Variants in CCAR2 observed in about 807,000 individuals in gnomAD.
The protein encoded by CCAR2 is cell cycle and apoptosis regulator 2, also known as cell cycle and apoptosis regulator protein 2.
CCAR2 carries 21 observed loss-of-function variants against 108.1 expected under a neutral mutation model. The ratio of observed to expected loss-of-function variants is 0.19; its 90% CI spans 0.14 to 0.28. The LOEUF is 0.28. Among genes scored for constraint, CCAR2 ranks in the 10% least tolerant of loss-of-function variants. The pLI is 1.00. For missense variants in CCAR2, 1,126 were observed against 1,177.0 expected (o/e 0.96, Z 0.63); for synonymous variants, 577 against 472.8 (o/e 1.22, Z -2.86).
rs200110384 is a variant in CCAR2, at chr8:22,619,639, C to T, written c.2729C>T (p.Ala910Val). 7 of 1,572,180 alleles carry T rather than the reference C, an allele frequency of 4.5e-6. No individual in the cohort carries two copies. The highest frequency in any genetic ancestry group is 4.3e-6 in the Non-Finnish European group (5 of 1,158,216). Residue 910 changes from alanine (A) to valine (V), a missense_variant and splice_region_variant, in exon 21 of 21, where the codon GCT (alanine) becomes GTT (valine). By Grantham distance (64) the Ala-to-Val change is moderately conservative. This residue lies in a region of CCAR2 where 1,013 missense variants were observed against 993.9 expected (regional missense o/e 1.02). Transcript: ENST00000308511. ...QLEIQRVVEK[A>V]DSWVEKEEPA... Reference sequence around the variant, plus strand: ...GGGTACATCATCTGTTTCAAACAGGCTGACAGCTGGGTGGAGAAGGAGGAG... The same window carrying T: ...GGGTACATCATCTGTTTCAAACAGGTTGACAGCTGGGTGGAGAAGGAGGAG...
In CCAR2 at chr8:22,614,868, G is replaced by A. The variant is rs148954111; in HGVS notation, c.1072G>A (p.Val358Met). 5.0e-6 allele frequency: 8 copies of A among 1,613,960 alleles called. No individual in the cohort carries two copies. In the South Asian group the frequency reaches 6.6e-5, roughly 13 times the overall value. The part of the protein sequence containing the change: ...FLLGRKEEEA[V>M]LVGGEWSPSL... ...GCTGGGCAGGAAAGAAGAGGAGGCA[G>A]TGCTGGTTGGGGGTGAATGGTCTCC... Residue 358 changes from valine (V) to methionine (M), a missense_variant, in exon 11 of 21, where the codon GTG becomes ATG. Around this residue, in one of 4 missense-constraint regions of CCAR2, gnomAD observed 1,013 missense variants for 993.9 expected, o/e 1.02. Coordinates refer to ENST00000308511, the MANE Select transcript of CCAR2 (RefSeq NM_001393997.1).
intron 16 of CCAR2, 191 bp from the exon 17 acceptor site, chr8:22,618,158 A>G: frequency 5.9e-6 from 4 of 680,230 alleles, no homozygotes; most frequent in South Asian, 5.3e-5. Context: ...AGGCATGAAT[A>G]TAGTGCACTG....
At chr8:22,610,665 A>T (rs957543979) in intron 7 of CCAR2, among the ~76,000 whole-genome samples, 4 of 152,354 alleles carry the variant, frequency 2.6e-5, no homozygotes, top group African/African-American at 9.6e-5. Flanking sequence ...GCTCATGCAC[A>T]TGGAAGTGAC....
downstream of CCAR2, chr8:22,621,351 G>C (rs1323977512): frequency 6.5e-7 from 1 of 1,527,972 alleles, no homozygotes; most frequent in Non-Finnish European, 8.8e-7. Context: ...GAGAGGAGCA[G>C]CTAGCCCTGA....
chr8:22,615,770 C>T lies in CCAR2; in HGVS notation c.1466C>T (p.Thr489Ile). ...RRNAETPEAT[T>I]QQETDTDLPE... ...AACGCAGAAACTCCAGAGGCCACCA[C>T]ACAGCAGGAAACGGACACTGATCTC... Residue 489 changes from threonine to isoleucine, a missense_variant, in exon 13 of 21, where the codon ACA (threonine) becomes ATA (isoleucine). By Grantham distance (89) the Thr-to-Ile change is moderately conservative. Coordinates refer to ENST00000308511, the MANE Select transcript of CCAR2 (RefSeq NM_001393997.1). 1 of 1,613,948 alleles carries T rather than the reference C, an allele frequency of 6.2e-7. No individual in the cohort carries two copies. The highest frequency in any genetic ancestry group is 8.5e-7 in the Non-Finnish European group (1 of 1,180,018).
intron 7 of CCAR2, among the ~76,000 whole-genome samples, chr8:22,612,013 C>T (rs1254116765): frequency 2.0e-5 from 3 of 150,704 alleles, no homozygotes; most frequent in African/African-American, 4.9e-5. Flanking sequence ...GGCGCGATCT[C>T]GGCTCACTGC....
Position 22,614,866 on chromosome 8 carries a change from C to G in CCAR2, c.1070C>G (p.Ala357Gly). 1 of 1,614,074 alleles carries G rather than the reference C, an allele frequency of 6.2e-7. No individual in the cohort carries two copies. ...KFLLGRKEEEAVLVGGEWSPS... is the reference protein window; with the variant it reads ...KFLLGRKEEEGVLVGGEWSPS... ...TTGCTGGGCAGGAAAGAAGAGGAGGCAGTGCTGGTTGGGGGTGAATGGTCT... is the reference window on the plus strand; with the variant it reads ...TTGCTGGGCAGGAAAGAAGAGGAGGGAGTGCTGGTTGGGGGTGAATGGTCT... Residue 357 changes from alanine (A) to glycine (G), a missense_variant, in exon 11 of 21, where the codon GCA becomes GGA. By Grantham distance (60) the Ala-to-Gly change is moderately conservative (BLOSUM62 0). This residue lies in a region of CCAR2 where 1,013 missense variants were observed against 993.9 expected (regional missense o/e 1.02). Transcript: ENST00000308511.
At chr8:22,612,414 C>T (rs1296173105) in intron 7 of CCAR2, among the ~76,000 whole-genome samples, 3 of 152,008 alleles carry the variant, frequency 2.0e-5, no homozygotes, top group East Asian at 1.9e-4. Flanking sequence ...ACTGCAGGCA[C>T]GCACCACCAG....
In CCAR2 at chr8:22,615,759, A is replaced by G. The variant is rs1399887936; in HGVS notation, c.1455A>G (p.Pro485=). Residue 485 remains proline, a synonymous_variant, in exon 13 of 21, where the codon CCA becomes CCG. Coordinates refer to ENST00000308511, the MANE Select transcript of CCAR2 (RefSeq NM_001393997.1). ...ADTSRRNAET[P]EATTQQETDT... ...CTTCTAGACGGAACGCAGAAACTCC[A>G]GAGGCCACCACACAGCAGGAAACGG... is the stretch of plus-strand genomic sequence containing the variant. 3 of 1,613,926 alleles carry G rather than the reference A, an allele frequency of 1.9e-6. No homozygotes were observed. The highest frequency in any genetic ancestry group is 1.3e-5 in the African/African-American group (1 of 75,036).
Position 22,617,312 on chromosome 8 carries a change from CCATA to C in CCAR2, c.1846-105_1846-102del. Reference sequence around the variant, plus strand: ...AATGAGACGGTATCTGTAGAGCCCTCCATACAGTGCCTGGGGCATAGTTGATACT... The same window carrying C: ...AATGAGACGGTATCTGTAGAGCCCTCCAGTGCCTGGGGCATAGTTGATACT... On this transcript the variant is annotated intron_variant, in intron 14 of 20. Transcript: ENST00000308511. The C allele has an allele frequency of 4.6e-6, 6 of 1,301,748 alleles. No individual in the cohort carries two copies. In the Middle Eastern group the frequency reaches 7.9e-4, roughly 172 times the overall value. The allele number at this position is 1,301,748 out of a possible 1,614,324, so 80.6% of individuals were successfully genotyped here.
rs765933621 is a variant in CCAR2 at position 22,607,986 on chromosome 8, A to T, written c.505A>T (p.Thr169Ser). ...TTCTGCAGCTCTGAGTCTCTTCCAA[A>T]CATCCCACACACTTCACCTGAGCCA... is the stretch of plus-strand genomic sequence containing the variant. ...FPQKPLSLFQTSHTLHLSHLN... is the reference protein window; with the variant it reads ...FPQKPLSLFQSSHTLHLSHLN... The change falls in exon 7 of 21, where the codon ACA (threonine) becomes TCA (serine). Residue 169 changes from threonine to serine, a missense_variant. By Grantham distance (58) the Thr-to-Ser change is moderately conservative. Around this residue, in one of 4 missense-constraint regions of CCAR2, gnomAD observed 1,013 missense variants for 993.9 expected, o/e 1.02. Transcript: ENST00000308511. The T allele has an allele frequency of 6.2e-7, 1 of 1,613,844 alleles. No homozygotes were observed. Among genetic ancestry groups the T allele is most frequent in the South Asian group, 1.1e-5 (1 of 91,066 alleles).
In CCAR2 at chr8:22,619,221, C is replaced by CGAG. The variant is rs753820749; in HGVS notation, c.2594_2596dup (p.Arg865_Val866insGly). Reference sequence around the variant, plus strand: ...GCTGGCGGCAGAGATGCAGGAGCTGCGAGTCCGGCTGGCGGAGGCCGAGGA... The same window carrying CGAG: ...GCTGGCGGCAGAGATGCAGGAGCTGCGAGGAGTCCGGCTGGCGGAGGCCGAGGA... On this transcript the variant is annotated inframe_insertion, in exon 20 of 21. Coordinates refer to ENST00000308511, the MANE Select transcript of CCAR2 (RefSeq NM_001393997.1). The CGAG allele has an allele frequency of 6.3e-7, 1 of 1,579,142 alleles. No homozygotes were observed. The highest frequency in any genetic ancestry group is 1.3e-5 in the African/African-American group (1 of 74,614).
intron 12 of CCAR2, 31 bp downstream of exon 12, chr8:22,615,627 A>T (rs200098297): frequency 1.9e-6 from 3 of 1,613,524 alleles, no homozygotes; most frequent in African/African-American, 2.7e-5. Flanking sequence ...GCAGCGGGGG[A>T]TATAGGTGGC....
Position 22,618,655 on chromosome 8 carries a change from C to T in CCAR2, c.2259C>T (p.Ile753=), listed in dbSNP as rs1193273390. Reference sequence around the variant, plus strand: ...TCAGCAGGGTGGTGACCCAGAACATCTGCCAGTACCGGAGCCTTCAGTACA... The same window carrying T: ...TCAGCAGGGTGGTGACCCAGAACATTTGCCAGTACCGGAGCCTTCAGTACA... ...QLVSRVVTQN[I]CQYRSLQYSR... The change falls in exon 18 of 21, where the codon ATC becomes ATT. Residue 753 remains isoleucine, a synonymous_variant. Coordinates refer to ENST00000308511, the MANE Select transcript of CCAR2 (RefSeq NM_001393997.1). 6.2e-7 allele frequency: 1 copy of T among 1,614,120 alleles called. No individual in the cohort carries two copies. Among genetic ancestry groups the T allele is most frequent in the East Asian group, 2.2e-5 (1 of 44,876 alleles).
chr8:22,613,476 A>G (rs534204187), intron 8 of CCAR2, among the ~76,000 whole-genome samples: 3 of 150,612 alleles, frequency 2.0e-5, no homozygotes, highest in Non-Finnish European at 2.9e-5. Context: ...ACATCCTTCT[A>G]CCTACACCTG....
In CCAR2 at chr8:22,618,451, G is replaced by C. The variant is rs751521846; in HGVS notation, c.2176G>C (p.Glu726Gln). ...TGGCTACTTGCACCGGCGAGACTTA[G>C]AGAGGATCCTCCTTACCCTTGGGAT... Reference protein sequence around the residue: ...WCGYLHRRDLERILLTLGIRL... With the variant: ...WCGYLHRRDLQRILLTLGIRL... Residue 726 changes from glutamate to glutamine, a missense_variant, in exon 17 of 21, where the codon GAG (glutamate) becomes CAG (glutamine). Coordinates refer to ENST00000308511, the MANE Select transcript of CCAR2 (RefSeq NM_001393997.1). 11 of 1,614,088 alleles carry C rather than the reference G, an allele frequency of 6.8e-6. No homozygotes were observed. The highest frequency in any genetic ancestry group is 5.0e-5 in the Admixed American group (3 of 60,008).
rs1801621531 is a variant in CCAR2 at position 22,618,669 on chromosome 8, G to A, written c.2273G>A (p.Ser758Asn). 1 of 1,614,122 alleles carries A rather than the reference G, an allele frequency of 6.2e-7. No individual in the cohort carries two copies. Among genetic ancestry groups the A allele is most frequent in the Non-Finnish European group, 8.5e-7 (1 of 1,180,034 alleles). Residue 758 changes from serine to asparagine, a missense_variant, in exon 18 of 21, where the codon AGC becomes AAC. Physicochemically the swap from Ser to Asn is conservative, Grantham distance 46. Transcript: ENST00000308511. The stretch of plus-strand genomic sequence containing the variant: ...ACCCAGAACATCTGCCAGTACCGGA[G>A]CCTTCAGTACAGCCGCCAGGAGGGC... ...VVTQNICQYRSLQYSRQEGLD... is the reference protein window; with the variant it reads ...VVTQNICQYRNLQYSRQEGLD...
At chr8:22,612,006 G>A (rs1280698314) in intron 7 of CCAR2, among the ~76,000 whole-genome samples, 8 of 151,280 alleles carry the variant, frequency 5.3e-5, no homozygotes, top group East Asian at 1.9e-4. Flanking sequence ...GTGGAATGGC[G>A]CGATCTCGGC....
At chr8:22,607,878 G>T in intron 6 of CCAR2, 91 bp from the exon 7 acceptor site, 1 of 996,892 alleles carries the variant, frequency 1.0e-6, no homozygotes, top group Non-Finnish European at 1.6e-6. Flanking sequence ...CATCTGCACT[G>T]TCCTCTCAAA....
Sources: gnomAD v4.1 joint callset for allele counts (sites outside exome capture counted in the v4.1 genomes callset) on GRCh38, gnomAD v4.1.1 for gene constraint, gnomAD v4.1.1 regional missense constraint, MANE v1.5 for transcripts, NCBI Gene and HGNC (gene_info 2026-07-23, HGNC 2026-07-21) for gene names.